Variants in LITAF observed in about 807,000 individuals in gnomAD.
The protein encoded by LITAF is lipopolysaccharide-induced tumor necrosis factor-alpha factor.
LITAF carries 9 observed loss-of-function variants against 14.5 expected under a neutral mutation model. The ratio of observed to expected loss-of-function variants is 0.62; its 90% CI spans 0.37 to 1.08. The LOEUF (loss-of-function observed/expected upper bound fraction) is 1.08. Ranked by LOEUF, LITAF falls within the 50% of genes least tolerant of loss-of-function variation. The pLI is 0.01. For synonymous variants in LITAF, 98 were observed against 88.2 expected, an observed-to-expected ratio of 1.11 and a Z score of -0.62; for missense variants, 206 against 213.4, an observed-to-expected ratio of 0.97 and a Z score of 0.22.
chr16:11,564,301 A>G (rs922473648), intron 1 of LITAF, among the ~76,000 whole-genome samples: 1 of 152,092 alleles, frequency 6.6e-6, no homozygotes, highest in African/African-American at 2.4e-5. Flanking sequence ...CCCTTAACTG[A>G]TATTAATGCA....
chr16:11,568,209 G>T (rs2064485656), intron 1 of LITAF, among the ~76,000 whole-genome samples: 1 of 149,484 alleles, frequency 6.7e-6, no homozygotes, highest in African/African-American at 2.5e-5. Flanking sequence ...GATCACCTGA[G>T]CCTGGGAGGC....
chr16:11,612,662 C>T (rs772543323), intron 3 of LITAF, among the ~76,000 whole-genome samples: 1 of 152,200 alleles, frequency 6.6e-6, no homozygotes. Flanking sequence ...CTTCCCACCC[C>T]ACTCCCAGCC....
At chr16:11,616,247 G>A (rs1039588746) in intron 3 of LITAF, among the ~76,000 whole-genome samples, 1 of 152,126 alleles carries the variant, frequency 6.6e-6, no homozygotes, top group Admixed American at 6.6e-5. Flanking sequence ...GCTGAAGCAG[G>A]CAGATCCCTT....
Position 11,556,502 on chromosome 16 carries a change from C to T in LITAF, c.220+9G>A, listed in dbSNP as rs1272305277. On this transcript the variant is annotated intron_variant, in intron 2 of 3. Coordinates refer to ENST00000622633, the MANE Select transcript of LITAF (RefSeq NM_001136472.2). ...GAATGGTAAGGGGGGCCTGGGAGGC[C>T]ACACGTACTTGGATTGTTATTGGGG... The T allele has an allele frequency of 6.2e-7, 1 of 1,609,298 alleles. No homozygotes were observed. The highest frequency in any genetic ancestry group is 8.5e-7 in the Non-Finnish European group (1 of 1,176,368).
intron 3 of LITAF, among the ~76,000 whole-genome samples, chr16:11,624,751 G>A (rs1339267094): frequency 6.6e-6 from 1 of 152,208 alleles, no homozygotes; most frequent in Non-Finnish European, 1.5e-5. Context: ...CATGGTCGCA[G>A]TATTTTGCAA....
intron 3 of LITAF, among the ~76,000 whole-genome samples, chr16:11,621,141 C>T (rs1335007070): frequency 2.6e-5 from 4 of 152,114 alleles, no homozygotes; most frequent in East Asian, 1.9e-4. Context: ...CTCGGCTCAC[C>T]GCAACCTCCG....
At chr16:11,557,089 G>T (rs78182419) in intron 1 of LITAF, among the ~76,000 whole-genome samples, 49 of 49,454 alleles carry the variant, frequency 9.9e-4, no homozygotes, top group African/African-American at 1.9e-3. Context: ...TTTTTTTGTG[G>T]TTTTTTTGGT....
intron 1 of LITAF, among the ~76,000 whole-genome samples, chr16:11,557,048 G>A (rs1056254539): frequency 6.7e-6 from 1 of 148,538 alleles, no homozygotes; most frequent in African/African-American, 2.5e-5. Context: ...TCCATATCTG[G>A]TGTTTCTTCT....
At chr16:11,580,017 G>A (rs1222285749) in intron 1 of LITAF, among the ~76,000 whole-genome samples, 1 of 152,170 alleles carries the variant, frequency 6.6e-6, no homozygotes, top group Admixed American at 6.5e-5. Context: ...TCCCAAATGT[G>A]AAAATCCAAA....
At chr16:11,627,319 G>A (rs1029590299) in intron 3 of LITAF, among the ~76,000 whole-genome samples, 1 of 152,216 alleles carries the variant, frequency 6.6e-6, no homozygotes, top group Admixed American at 6.5e-5. Context: ...TTGCCAGCAG[G>A]TAGAGCAAGC....
chr16:11,569,985 G>A (rs1171545735), intron 1 of LITAF, among the ~76,000 whole-genome samples: 2 of 149,942 alleles, frequency 1.3e-5, no homozygotes, highest in Non-Finnish European at 2.9e-5. Context: ...GAGACGAGAC[G>A]CACTGCTGCA....
At chr16:11,637,924 ATCTATATCTATATCTATATATC>A (rs1567270831), upstream of LITAF, among the ~76,000 whole-genome samples, 217 of 103,090 alleles carry the variant, frequency 2.1e-3, 64 homozygotes, top group African/African-American at 9.9e-3. Flanking sequence ...CTATATCTAT[ATCTATATCTATATCTATATATC>A]TATATATATC....
intron 1 of LITAF, among the ~76,000 whole-genome samples, chr16:11,584,992 G>A (rs975160068): frequency 2.6e-5 from 4 of 152,224 alleles, no homozygotes; most frequent in African/African-American, 9.6e-5. Context: ...TGGATCACTA[G>A]AGGTCAGAAG....
upstream of LITAF, chr16:11,587,190 C>T (rs1158154447): frequency 2.8e-6 from 1 of 361,096 alleles, no homozygotes; most frequent in Non-Finnish European, 5.5e-6. Flanking sequence ...CTCCCCCACT[C>T]TCCTATCCTG....
intron 1 of LITAF, among the ~76,000 whole-genome samples, chr16:11,571,814 C>T (rs2141790860): frequency 6.6e-6 from 1 of 152,252 alleles, no homozygotes. Context: ...ATGGTTTAAT[C>T]TTTCCAAGCA....
chr16:11,619,996 T>C (rs1406146186), intron 3 of LITAF, among the ~76,000 whole-genome samples: 1 of 151,532 alleles, frequency 6.6e-6, no homozygotes, highest in Non-Finnish European at 1.5e-5. Context: ...GGTGAAACCC[T>C]ATCTCTACTA....
upstream of LITAF, among the ~76,000 whole-genome samples, chr16:11,600,633 C>T (rs2064921126): frequency 1.3e-5 from 2 of 152,172 alleles, no homozygotes. This position sits in a 1 kb window ranked among gnomAD's most constrained non-coding sequence, Gnocchi z 4.1. Context: ...TGGTTTTCTA[C>T]ACCGTCATGC....
At chr16:11,622,103 G>T (rs767011377) in intron 3 of LITAF, among the ~76,000 whole-genome samples, 8 of 152,296 alleles carry the variant, frequency 5.3e-5, no homozygotes, top group Non-Finnish European at 1.0e-4. Flanking sequence ...GATGAGGGTG[G>T]AGGCAGTGGG....
chr16:11,552,457 A>G (rs8049153), intron 3 of LITAF, among the ~76,000 whole-genome samples: 24,243 of 152,194 alleles, frequency 0.16, 2,063 homozygotes, highest in Non-Finnish European at 0.18. Flanking sequence ...AGCAATTCCT[A>G]TGAAGAATTT....
Sources: allele counts gnomAD v4.1 joint callset (sites outside exome capture counted in the v4.1 genomes callset), GRCh38; gene constraint gnomAD v4.1.1; non-coding constraint Gnocchi (gnomAD v3.1); transcripts MANE v1.5; gene names NCBI Gene and HGNC (gene_info 2026-07-23, HGNC 2026-07-21).